WDR72: variants seen among roughly 807,000 people sequenced by gnomAD.
WDR72 encodes the protein WD repeat-containing protein 72.
WDR72 carries 120 observed loss-of-function variants against 124.2 expected under a neutral mutation model. That is an observed-to-expected ratio of 0.97 (90% CI 0.83 to 1.12). The LOEUF (loss-of-function observed/expected upper bound fraction) is 1.12, where lower values mean the gene tolerates loss of function less well. WDR72 is among the 50% of genes most tolerant of loss of function. The pLI, the probability that WDR72 is intolerant of heterozygous loss-of-function variation, is 0.00. For missense variants in WDR72, 1,387 were observed against 1,278.8 expected, an observed-to-expected ratio of 1.08 and a Z score of -1.29; for synonymous variants, 452 against 441.7, an observed-to-expected ratio of 1.02 and a Z score of -0.29.
At chr15:53,700,339 A>G (rs1297653201) in intron 12 of WDR72, among the ~76,000 whole-genome samples, 4 of 152,230 alleles carry the variant, frequency 2.6e-5, no homozygotes, top group African/African-American at 9.6e-5. Context: ...CAAGGGTATC[A>G]TGAGCTGATA....
At chr15:53,535,215 C>A (rs967300876) in intron 18 of WDR72, among the ~76,000 whole-genome samples, 3 of 152,100 alleles carry the variant, frequency 2.0e-5, no homozygotes, top group Admixed American at 1.3e-4. Context: ...AACAATAATT[C>A]TTAAGGCTCT....
intron 1 of WDR72, among the ~76,000 whole-genome samples, chr15:53,736,651 T>C (rs1242418602): frequency 6.6e-6 from 1 of 152,046 alleles, no homozygotes; most frequent in Non-Finnish European, 1.5e-5. Context: ...AGAGCACTTG[T>C]AGGATGAGAA....
chr15:53,613,894 A>C (rs1390547751), intron 15 of WDR72, 137 bp from the exon 16 acceptor site: 4 of 614,058 alleles, frequency 6.5e-6, no homozygotes, highest in African/African-American at 5.5e-5. Flanking sequence ...AATATCTTTC[A>C]CATCAATTTC....
At chr15:53,681,440 G>A (rs1346741313) in intron 13 of WDR72, among the ~76,000 whole-genome samples, 5 of 152,118 alleles carry the variant, frequency 3.3e-5, no homozygotes, top group Non-Finnish European at 5.9e-5. Context: ...TTCTACTGTT[G>A]TAGGTGAAGC....
At chr15:53,612,456 C>T (rs867188722) in intron 16 of WDR72, among the ~76,000 whole-genome samples, 11 of 151,848 alleles carry the variant, frequency 7.2e-5, no homozygotes, top group Non-Finnish European at 1.0e-4. Context: ...TGGATGGTAG[C>T]GGGTGGAGGG....
intron 3 of WDR72, among the ~76,000 whole-genome samples, chr15:53,722,538 G>A (rs1264268565): frequency 6.6e-6 from 1 of 152,154 alleles, no homozygotes; most frequent in African/African-American, 2.4e-5. Context: ...CAGTAAGAGT[G>A]CTACAAGTTC....
intron 18 of WDR72, among the ~76,000 whole-genome samples, chr15:53,533,745 G>A (rs1892608234): frequency 6.6e-6 from 1 of 152,112 alleles, no homozygotes; most frequent in Non-Finnish European, 1.5e-5. Flanking sequence ...CTGCATTTGT[G>A]CCTCCGCACA....
In WDR72 at chr15:53,544,079, G is replaced by C. The variant is rs1380268901; in HGVS notation, c.3149-20757C>G. 1.3e-3 allele frequency among the ~76,000 whole-genome samples: 191 copies of C among 142,128 alleles called. 2 individuals carry two copies. Among genetic ancestry groups the C allele is most frequent in the Admixed American group, 9.6e-3 (136 of 14,166 alleles). 93.2% of individuals were successfully genotyped at this position (142,128 alleles called of 152,430 possible). On this transcript the variant is annotated intron_variant, in intron 18 of 19. Transcript: ENST00000360509. ...GGATTCACAGCCGAATTCTACCAGAGGTACAAGGAGGAACTGGTACCATTC... is the reference window on the plus strand; with the variant it reads ...GGATTCACAGCCGAATTCTACCAGACGTACAAGGAGGAACTGGTACCATTC...
chr15:53,537,976 C>A (rs1242112904), intron 18 of WDR72, among the ~76,000 whole-genome samples: 2 of 152,106 alleles, frequency 1.3e-5, no homozygotes, highest in Non-Finnish European at 1.5e-5. Flanking sequence ...TGTCCAAAGT[C>A]ATCTGTAATT....
upstream of WDR72, among the ~76,000 whole-genome samples, chr15:53,760,889 C>A (rs893684306): frequency 6.6e-6 from 1 of 152,108 alleles, no homozygotes; most frequent in Admixed American, 6.5e-5. Context: ...TTTGAGAGGG[C>A]GAGGTGGGCA....
chr15:53,564,083 A>T lies in WDR72; in HGVS notation c.3148+32996T>A, dbSNP rs553886395. Reference sequence around the variant, plus strand: ...AAATGCAGACCAATCACAGAGTCAAAAAATATGTCAAGGTGTTTTTCTTGT... The same window carrying T: ...AAATGCAGACCAATCACAGAGTCAATAAATATGTCAAGGTGTTTTTCTTGT... On this transcript the variant is annotated intron_variant, in intron 18 of 19. Transcript: ENST00000360509. 2.3e-4 allele frequency among the ~76,000 whole-genome samples: 35 copies of T among 151,976 alleles called. 1 individual carries two copies. The South Asian group carries it at 7.1e-3, about 31-fold the overall frequency.
rs919399940 is a variant in WDR72, at chr15:53,691,557, G to A, written c.1765+8193C>T. On this transcript the variant is annotated intron_variant, in intron 13 of 19. Transcript: ENST00000360509. ...TAAACTTCATCTATTTTTTTCTTTC[G>A]TTGCTCAGGTTTCTTTTTTATTACA... 3.3e-5 allele frequency among the ~76,000 whole-genome samples: 5 copies of A among 150,156 alleles called. 1 individual carries two copies. The highest frequency in any genetic ancestry group is 4.9e-5 in the African/African-American group (2 of 40,872).
At chr15:53,652,232 A>T (rs1261757042) in intron 14 of WDR72, 1 of 152,162 alleles carries the variant, frequency 6.6e-6, no homozygotes, top group Non-Finnish European at 1.5e-5. Flanking sequence ...TGTCATGGGA[A>T]TCTAAATGGG....
intron 18 of WDR72, among the ~76,000 whole-genome samples, chr15:53,580,825 T>C (rs920300215): frequency 5.9e-5 from 9 of 152,162 alleles, no homozygotes; most frequent in Non-Finnish European, 8.8e-5. Context: ...CAGGGATGTA[T>C]AGAAAAACTA....
chr15:53,603,618 G>A (rs1042124677), intron 17 of WDR72, among the ~76,000 whole-genome samples: 1 of 152,178 alleles, frequency 6.6e-6, no homozygotes, highest in Non-Finnish European at 1.5e-5. Context: ...TTCTTAAGCT[G>A]TTAAGCAACT....
At chr15:53,756,682 T>A (rs1266925215) in intron 1 of WDR72, 1 of 152,200 alleles carries the variant, frequency 6.6e-6, no homozygotes, top group South Asian at 2.1e-4. Context: ...ATATGTTAAG[T>A]TGTAGACACT....
At chr15:53,700,591 C>A (rs1051176589) in intron 12 of WDR72, among the ~76,000 whole-genome samples, 21 of 152,124 alleles carry the variant, frequency 1.4e-4, no homozygotes, top group African/African-American at 4.1e-4. Flanking sequence ...AATTACTATC[C>A]AAGGTGGATT....
chr15:53,656,787 G>A (rs915922363), intron 14 of WDR72, among the ~76,000 whole-genome samples: 2 of 151,750 alleles, frequency 1.3e-5, no homozygotes, highest in African/African-American at 2.4e-5. Flanking sequence ...TTTTAAAGAG[G>A]TAACATTTAT....
intron 14 of WDR72, among the ~76,000 whole-genome samples, chr15:53,632,068 A>C (rs2140396255): frequency 6.6e-6 from 1 of 152,280 alleles, no homozygotes; most frequent in South Asian, 2.1e-4. Context: ...CTAATAACCA[A>C]GACAATGAGG....
Sources: gnomAD v4.1 joint callset for allele counts (sites outside exome capture counted in the v4.1 genomes callset) on GRCh38, gnomAD v4.1.1 for gene constraint, MANE v1.5 for transcripts, NCBI Gene and HGNC (gene_info 2026-07-23, HGNC 2026-07-21) for gene names.